HIRA: variants seen among roughly 807,000 people sequenced by gnomAD.
HIRA encodes histone cell cycle regulator, also known as protein HIRA.
HIRA carries 13 observed loss-of-function variants against 126.6 expected under a neutral mutation model. The observed-to-expected ratio is 0.10, with a 90% confidence interval of 0.07 to 0.16. The LOEUF is 0.16. HIRA is among the 10% of genes least tolerant of loss of function. The probability of loss-of-function intolerance (pLI) is 1.00; values close to 1 mark genes in which losing one functional copy is unlikely to be tolerated. For synonymous variants in HIRA, 511 were observed against 520.0 expected, an observed-to-expected ratio of 0.98 and a Z score of 0.24; for missense variants, 834 against 1,314.4, an observed-to-expected ratio of 0.63 and a Z score of 5.65.
intron 3 of HIRA, 94 bp from the exon 4 acceptor site, chr22:19,407,368 C>T: frequency 1.1e-6 from 1 of 903,540 alleles, no homozygotes; most frequent in Non-Finnish European, 1.8e-6. Flanking sequence ...TTTATAAAAT[C>T]TAATCTATCT....
intron 1 of HIRA, among the ~76,000 whole-genome samples, chr22:19,427,705 A>G (rs1282720274): frequency 6.6e-6 from 1 of 152,236 alleles, no homozygotes. Context: ...TCTTGGTTAG[A>G]ACTGGCTTCA....
At chr22:19,374,574 G>C (rs115267149) in intron 15 of HIRA, among the ~76,000 whole-genome samples, 1 of 152,298 alleles carries the variant, frequency 6.6e-6, no homozygotes, top group South Asian at 2.1e-4. Flanking sequence ...CTAGCTTCCA[G>C]GAACTGTTTT....
chr22:19,420,068 G>A (rs2089431747), intron 1 of HIRA, among the ~76,000 whole-genome samples: 1 of 150,490 alleles, frequency 6.6e-6, no homozygotes, highest in Non-Finnish European at 1.5e-5. Context: ...GTGTGTGTGT[G>A]TGCACGCGCC....
At chr22:19,420,325 T>C (rs1601860234) in intron 1 of HIRA, among the ~76,000 whole-genome samples, 1 of 149,756 alleles carries the variant, frequency 6.7e-6, no homozygotes, top group Admixed American at 6.6e-5. Context: ...AATTACCCAG[T>C]AGTGGTGGTG....
Position 19,397,975 on chromosome 22 carries a change from C to T in HIRA, c.493+17G>A. 4 of 1,603,084 alleles carry T rather than the reference C, an allele frequency of 2.5e-6. No individual in the cohort carries two copies. Among genetic ancestry groups the T allele is most frequent in the Non-Finnish European group, 3.4e-6 (4 of 1,170,698 alleles). On this transcript the variant is annotated intron_variant, in intron 6 of 24. Coordinates refer to ENST00000263208, the MANE Select transcript of HIRA (RefSeq NM_003325.4). ...GCAGTACTGCTTGCTGTTAACCAGT[C>T]AGAGGAGGCCCCAGACCTGGGAACT...
At chr22:19,396,639 G>A (rs2089226622) in intron 7 of HIRA, 148 bp downstream of exon 7, 2 of 695,532 alleles carry the variant, frequency 2.9e-6, no homozygotes, top group Non-Finnish European at 4.9e-6. Context: ...TCCCACCCCA[G>A]AGAGCCTTGG....
intron 2 of HIRA, among the ~76,000 whole-genome samples, chr22:19,410,252 C>T (rs2089341689): frequency 6.6e-6 from 1 of 152,214 alleles, no homozygotes; most frequent in Non-Finnish European, 1.5e-5. Context: ...TCTTACTTGC[C>T]CACAGTGTGC....
At chr22:19,394,731 G>A (rs1376702471) in intron 7 of HIRA, among the ~76,000 whole-genome samples, 4 of 152,192 alleles carry the variant, frequency 2.6e-5, no homozygotes, top group Admixed American at 6.5e-5. Flanking sequence ...CTCCCCCAGA[G>A]GAGCTGAACA....
intron 24 of HIRA, among the ~76,000 whole-genome samples, chr22:19,350,819 T>C (rs1157750992): frequency 6.6e-6 from 1 of 151,994 alleles, no homozygotes; most frequent in African/African-American, 2.4e-5. Context: ...CTCCTTGCTT[T>C]TACTCTCACT....
At chr22:19,349,233 T>C (rs1387855765) in intron 24 of HIRA, among the ~76,000 whole-genome samples, 2 of 152,058 alleles carry the variant, frequency 1.3e-5, no homozygotes, top group African/African-American at 2.4e-5. Context: ...GCCTCCCCAG[T>C]AGCTGGGATT....
At chr22:19,418,073 T>G (rs898518018) in intron 1 of HIRA, among the ~76,000 whole-genome samples, 11 of 152,176 alleles carry the variant, frequency 7.2e-5, no homozygotes, top group Non-Finnish European at 1.5e-4. Flanking sequence ...GGTGGTTGCC[T>G]ACGTCTGAGT....
intron 24 of HIRA, among the ~76,000 whole-genome samples, chr22:19,340,930 T>C (rs181825196): frequency 1.4e-4 from 22 of 152,284 alleles, no homozygotes; most frequent in Admixed American, 9.2e-4. Context: ...AAAATGACCA[T>C]ACTGCTAAGA....
intron 1 of HIRA, among the ~76,000 whole-genome samples, chr22:19,422,193 C>G (rs867912342): frequency 6.9e-6 from 1 of 145,552 alleles, no homozygotes; most frequent in Non-Finnish European, 1.5e-5. Context: ...CACACACACA[C>G]ATACACATAT....
Position 19,353,383 on chromosome 22 carries a change from C to T in HIRA, c.2821G>A (p.Val941Ile), listed in dbSNP as rs376107981. 2.2e-5 allele frequency: 36 copies of T among 1,612,828 alleles called. No individual in the cohort carries two copies. The highest frequency in any genetic ancestry group is 6.7e-5 in the East Asian group (3 of 44,894). The change falls in exon 23 of 25, where the codon GTC becomes ATC. Residue 941 changes from valine to isoleucine, a missense_variant. Transcript: ENST00000263208. ...SSHEYRHWLL[V>I]YARYLVNEGF... ...TCGTTTACGAGGTACCGTGCGTAGA[C>T]GAGGAGCCAATGGCGGTACTCGTGG...
Position 19,362,745 on chromosome 22 carries a change from G to A in HIRA, c.1776-814C>T, listed in dbSNP as rs1216588853. The stretch of plus-strand genomic sequence containing the variant: ...CTGGTTAATTTTTGTATTATTAGTA[G>A]AGACAGGGTTTCATCATGTTGGCCA... On this transcript the variant is annotated intron_variant, in intron 15 of 24. Coordinates refer to ENST00000263208, the MANE Select transcript of HIRA (RefSeq NM_003325.4). 2.0e-5 allele frequency among the ~76,000 whole-genome samples: 3 copies of A among 151,556 alleles called. No homozygotes were observed. In the East Asian group the frequency reaches 6.0e-4, roughly 30 times the overall value.
chr22:19,379,128 C>G (rs558208648), intron 13 of HIRA, among the ~76,000 whole-genome samples: 1 of 151,510 alleles, frequency 6.6e-6, no homozygotes, highest in East Asian at 2.0e-4. Flanking sequence ...CCCGGGTTCA[C>G]GCCATTCTCC....
At chr22:19,419,457 T>G (rs968583265) in intron 1 of HIRA, among the ~76,000 whole-genome samples, 1 of 152,198 alleles carries the variant, frequency 6.6e-6, no homozygotes, top group Non-Finnish European at 1.5e-5. Context: ...AATGTCACCC[T>G]CACATTGAGG....
At chr22:19,378,449 C>A (rs2089039553) in intron 13 of HIRA, among the ~76,000 whole-genome samples, 7 of 152,248 alleles carry the variant, frequency 4.6e-5, no homozygotes, top group Admixed American at 4.6e-4. Flanking sequence ...GATGGGTGTG[C>A]CATAATATAC....
In HIRA at chr22:19,351,303, C is replaced by A; in HGVS notation, c.2937+55G>T. The A allele has an allele frequency of 1.9e-6, 3 of 1,570,784 alleles. No individual in the cohort carries two copies. Among genetic ancestry groups the A allele is most frequent in the Non-Finnish European group, 2.6e-6 (3 of 1,162,068 alleles). On this transcript the variant is annotated intron_variant, in intron 24 of 24. Transcript: ENST00000263208. This position sits in a 1 kb window ranked among gnomAD's most constrained non-coding sequence, Gnocchi z 4.8. ...GCACTTTGGCTTATTTAAAAAATCT[C>A]CACCTTCATGTTTCAAGAAAGAATT... is the stretch of plus-strand genomic sequence containing the variant.
Sources: gnomAD v4.1 joint callset for allele counts (sites outside exome capture counted in the v4.1 genomes callset) on GRCh38, gnomAD v4.1.1 for gene constraint, Gnocchi (gnomAD v3.1) non-coding constraint, MANE v1.5 for transcripts, NCBI Gene and HGNC (gene_info 2026-07-23, HGNC 2026-07-21) for gene names.